CCDC102B: variants seen among roughly 807,000 people sequenced by gnomAD.
CCDC102B encodes the protein coiled-coil domain containing 102B, also known as coiled-coil domain-containing protein 102B.
A neutral mutation model predicts 57.4 loss-of-function variants in CCDC102B; 75 were observed. That is an observed-to-expected ratio of 1.31 (90% CI 1.08 to 1.58). The LOEUF (loss-of-function observed/expected upper bound fraction) is 1.58. Among genes scored for constraint, CCDC102B ranks in the 40% most tolerant of loss-of-function variants. CCDC102B has a pLI of 0.00. For synonymous variants in CCDC102B, 206 were observed against 201.9 expected (o/e 1.02, Z -0.17); for missense variants, 636 against 582.6 (o/e 1.09, Z -0.94).
At chr18:68,990,401 C>T (rs2050833158) in intron 6 of CCDC102B, among the ~76,000 whole-genome samples, 1 of 152,136 alleles carries the variant, frequency 6.6e-6, no homozygotes, top group African/African-American at 2.4e-5. Flanking sequence ...ATCACTTTAT[C>T]TGTTTATCGT....
chr18:68,875,508 A>C (rs2039408221), intron 5 of CCDC102B, among the ~76,000 whole-genome samples: 1 of 152,180 alleles, frequency 6.6e-6, no homozygotes, highest in South Asian at 2.1e-4. Context: ...ACAGACTGAA[A>C]TGAATTTAAT....
At chr18:68,766,113 A>C (rs114370947) in intron 2 of CCDC102B, among the ~76,000 whole-genome samples, 1 of 152,164 alleles carries the variant, frequency 6.6e-6, no homozygotes, top group Non-Finnish European at 1.5e-5. Flanking sequence ...TATTTTTGCA[A>C]TGTCTAAGTT....
At chr18:68,973,170 T>A (rs1356129496) in intron 6 of CCDC102B, among the ~76,000 whole-genome samples, 1 of 152,142 alleles carries the variant, frequency 6.6e-6, no homozygotes, top group Admixed American at 6.6e-5. Flanking sequence ...CTTGGTACTT[T>A]AAATATTGCA....
At chr18:68,964,664 G>T (rs2145239443) in intron 6 of CCDC102B, among the ~76,000 whole-genome samples, 1 of 151,940 alleles carries the variant, frequency 6.6e-6, no homozygotes, top group East Asian at 1.9e-4. Context: ...GTAAGTCGAT[G>T]ATATTTATCC....
chr18:68,751,936 TA>T (rs1414077271), intron 2 of CCDC102B, among the ~76,000 whole-genome samples: 1 of 151,820 alleles, frequency 6.6e-6, no homozygotes, highest in Non-Finnish European at 1.5e-5. Flanking sequence ...AGACAAAAGA[TA>T]AAATCTTAAA....
At chr18:69,044,395 C>T (rs2052507570) in intron 7 of CCDC102B, among the ~76,000 whole-genome samples, 1 of 152,142 alleles carries the variant, frequency 6.6e-6, no homozygotes. Flanking sequence ...GCATAGTGTG[C>T]TCTCAATATT....
chr18:68,956,504 AATATATATATCGCATAT>A (rs1568352573), intron 6 of CCDC102B, among the ~76,000 whole-genome samples: 7 of 51,518 alleles, frequency 1.4e-4, no homozygotes, highest in African/African-American at 9.1e-4. Context: ...TAAAATATAT[AATATATATATCGCATAT>A]TATATATATT....
chr18:69,001,755 G>A (rs3113797), intron 6 of CCDC102B, among the ~76,000 whole-genome samples: 148,700 of 152,286 alleles, frequency 0.98, 72,684 homozygotes, highest in East Asian at 1. Flanking sequence ...TTACCAATGA[G>A]TATTAGTTGG....
chr18:68,958,207 C>A (rs2049956803), intron 6 of CCDC102B, among the ~76,000 whole-genome samples: 1 of 152,162 alleles, frequency 6.6e-6, no homozygotes, highest in Non-Finnish European at 1.5e-5. Flanking sequence ...GTCTCTCCCA[C>A]AACACATGGC....
chr18:69,027,026 G>T (rs1441666655), intron 7 of CCDC102B, among the ~76,000 whole-genome samples: 2 of 152,204 alleles, frequency 1.3e-5, no homozygotes, highest in Non-Finnish European at 2.9e-5. Context: ...AATTGAGGGA[G>T]TAGGATTAAA....
intron 1 of CCDC102B, among the ~76,000 whole-genome samples, chr18:68,805,784 C>G (rs987819914): frequency 5.9e-5 from 9 of 152,064 alleles, no homozygotes; most frequent in African/African-American, 2.2e-4. Context: ...TGTAACGACA[C>G]TATATATGAA....
chr18:68,876,464 C>T (rs762017137), intron 5 of CCDC102B, among the ~76,000 whole-genome samples: 10 of 152,230 alleles, frequency 6.6e-5, no homozygotes, highest in Non-Finnish European at 1.5e-4. Context: ...AGTTAAATAG[C>T]ATTATCTTTG....
chr18:68,755,076 A>G (rs1458549921), intron 2 of CCDC102B: 1 of 152,222 alleles, frequency 6.6e-6, no homozygotes, highest in Non-Finnish European at 1.5e-5. Context: ...AAACACTTTT[A>G]AAGTTTTTCT....
intron 4 of CCDC102B, among the ~76,000 whole-genome samples, chr18:68,849,432 T>G (rs927342218): frequency 6.6e-6 from 1 of 152,094 alleles, no homozygotes; most frequent in Non-Finnish European, 1.5e-5. Flanking sequence ...TTATCGACTC[T>G]GCCTCCAAAC....
intron 7 of CCDC102B, among the ~76,000 whole-genome samples, chr18:69,012,974 A>G (rs73451781): frequency 0.039 from 5,976 of 152,208 alleles, 395 homozygotes; most frequent in African/African-American, 0.13. Flanking sequence ...TTTTCAAAGA[A>G]CTGAAAATGG....
At chr18:68,979,051 G>A (rs892967120) in intron 6 of CCDC102B, among the ~76,000 whole-genome samples, 3 of 152,022 alleles carry the variant, frequency 2.0e-5, no homozygotes, top group Non-Finnish European at 4.4e-5. Flanking sequence ...TCAGACTAGT[G>A]ACCACTGTGG....
At chr18:69,046,001 T>C (rs1034073943) in intron 7 of CCDC102B, among the ~76,000 whole-genome samples, 5 of 152,038 alleles carry the variant, frequency 3.3e-5, no homozygotes, top group Non-Finnish European at 5.9e-5. Context: ...TTTAGTCTAC[T>C]GTTGATGGGC....
At chr18:68,837,932 A>G (rs972531529) in intron 2 of CCDC102B, among the ~76,000 whole-genome samples, 1 of 152,336 alleles carries the variant, frequency 6.6e-6, no homozygotes, top group African/African-American at 2.4e-5. Context: ...GAATTAAGGA[A>G]TGAATCATCC....
chr18:68,879,377 G>A (rs1467290813), intron 5 of CCDC102B, among the ~76,000 whole-genome samples: 1 of 152,152 alleles, frequency 6.6e-6, no homozygotes, highest in South Asian at 2.1e-4. Flanking sequence ...GGGGACTCGA[G>A]CGGGTTGCCA....
Sources: gnomAD v4.1 joint callset for allele counts (sites outside exome capture counted in the v4.1 genomes callset) on GRCh38, gnomAD v4.1.1 for gene constraint, MANE v1.5 for transcripts, NCBI Gene and HGNC (gene_info 2026-07-23, HGNC 2026-07-21) for gene names.